Variants in NOL4 observed in about 807,000 individuals in gnomAD.
The protein encoded by NOL4 is nucleolar protein 4.
In NOL4, 17 loss-of-function variants were observed where a neutral mutation model predicts 75.9. That is an observed-to-expected ratio of 0.22 (90% CI 0.15 to 0.34). The LOEUF (loss-of-function observed/expected upper bound fraction) is 0.34, where lower values mean the gene tolerates loss of function less well. Ranked by LOEUF, NOL4 falls within the 10% of genes least tolerant of loss-of-function variation. NOL4 has a pLI of 1.00. For missense variants in NOL4, 614 were observed against 793.5 expected (o/e 0.77, Z 2.72); for synonymous variants, 292 against 289.9 (o/e 1.01, Z -0.07).
At chr18:34,184,977 G>C (rs959430733) in intron 1 of NOL4, among the ~76,000 whole-genome samples, 3 of 152,072 alleles carry the variant, frequency 2.0e-5, no homozygotes, top group African/African-American at 7.2e-5. Flanking sequence ...TAGGACCTCA[G>C]ATTAGGGACT....
chr18:34,169,156 T>C (rs1343080528), intron 1 of NOL4, among the ~76,000 whole-genome samples: 2 of 151,924 alleles, frequency 1.3e-5, no homozygotes, highest in East Asian at 1.9e-4. Context: ...CACATGAATA[T>C]ATGATTTTTA....
At chr18:34,208,407 T>C (rs979863719) in intron 1 of NOL4, among the ~76,000 whole-genome samples, 2 of 150,878 alleles carry the variant, frequency 1.3e-5, no homozygotes, top group African/African-American at 4.9e-5. Flanking sequence ...AGCATGGTAA[T>C]AGATGAGATG....
intron 1 of NOL4, among the ~76,000 whole-genome samples, chr18:34,163,546 A>AC (rs1455165740): frequency 6.6e-6 from 1 of 152,102 alleles, no homozygotes; most frequent in Admixed American, 6.6e-5. Context: ...GATGTGAAGG[A>AC]CTCTTCAAGG....
intron 5 of NOL4, among the ~76,000 whole-genome samples, chr18:34,079,778 G>A (rs1373038840): frequency 6.6e-6 from 1 of 152,086 alleles, no homozygotes; most frequent in East Asian, 1.9e-4. Context: ...AGACTTTTAG[G>A]TTTTTGCTCC....
chr18:34,203,713 TCTCTCACACACA>T (rs1249567478), intron 1 of NOL4, among the ~76,000 whole-genome samples: 1 of 62,626 alleles, frequency 1.6e-5, no homozygotes, highest in African/African-American at 4.4e-5. Flanking sequence ...TCTCTCTCTC[TCTCTCACACACA>T]CACACACACA....
At chr18:33,895,101 G>A (rs1294441644) in intron 9 of NOL4, among the ~76,000 whole-genome samples, 1 of 151,896 alleles carries the variant, frequency 6.6e-6, no homozygotes, top group Non-Finnish European at 1.5e-5. Context: ...TAAAATTATG[G>A]TACAATATGT....
At chr18:34,116,498 A>C (rs2145796936) in intron 2 of NOL4, among the ~76,000 whole-genome samples, 1 of 152,340 alleles carries the variant, frequency 6.6e-6, no homozygotes, top group Admixed American at 6.5e-5. Flanking sequence ...CTTATAAGTT[A>C]TCCAAAAATC....
At chr18:34,184,204 C>G (rs983398825) in intron 1 of NOL4, among the ~76,000 whole-genome samples, 27 of 151,872 alleles carry the variant, frequency 1.8e-4, no homozygotes, top group African/African-American at 6.5e-4. Context: ...TGCAAACAGG[C>G]TCAGTGCTAA....
At chr18:33,995,394 A>T (rs1392768639) in intron 6 of NOL4, among the ~76,000 whole-genome samples, 1 of 151,712 alleles carries the variant, frequency 6.6e-6, no homozygotes, top group African/African-American at 2.4e-5. Context: ...GAAGCACATG[A>T]ATATAATTGT....
chr18:34,208,946 A>G (rs767230429), intron 1 of NOL4, among the ~76,000 whole-genome samples: 4 of 152,080 alleles, frequency 2.6e-5, no homozygotes, highest in Non-Finnish European at 4.4e-5. Context: ...GCGATGGCTC[A>G]TACCTGTAAT....
chr18:34,196,201 A>G (rs1370815719), intron 1 of NOL4, among the ~76,000 whole-genome samples: 2 of 152,090 alleles, frequency 1.3e-5, no homozygotes, highest in Admixed American at 6.6e-5. Flanking sequence ...CATTTCTACC[A>G]TTGTGTCAAG....
chr18:33,853,670 T>C (rs923936801), intron 10 of NOL4, among the ~76,000 whole-genome samples: 3 of 152,084 alleles, frequency 2.0e-5, no homozygotes, highest in Non-Finnish European at 2.9e-5. Context: ...ACATATTACA[T>C]TGGAATTTGC....
At chr18:34,124,127 C>T (rs548983116) in intron 2 of NOL4, among the ~76,000 whole-genome samples, 99 of 152,124 alleles carry the variant, frequency 6.5e-4, no homozygotes, top group Non-Finnish European at 1.2e-3. Context: ...AGGCAGGAAC[C>T]TATATTTGTC....
intron 1 of NOL4, among the ~76,000 whole-genome samples, chr18:34,145,013 C>T (rs2081340003): frequency 6.6e-6 from 1 of 152,062 alleles, no homozygotes; most frequent in African/African-American, 2.4e-5. Flanking sequence ...TTCCTAACTC[C>T]TATTCTCCAC....
Position 34,212,530 on chromosome 18 carries a change from A to G in NOL4, c.264+10460T>C, listed in dbSNP as rs2036584309. Among the ~76,000 whole-genome samples the G allele has an allele frequency of 3.3e-5, 5 of 152,220 alleles. 1 individual carries two copies. In the South Asian group the frequency reaches 1.0e-3, roughly 31 times the overall value. On this transcript the variant is annotated intron_variant, in intron 1 of 10. Transcript: ENST00000261592. Reference sequence around the variant, plus strand: ...CAAATTACCACAAATTGAATGGCTTACAACTTCTCAAACATTATCTCATTT... The same window carrying G: ...CAAATTACCACAAATTGAATGGCTTGCAACTTCTCAAACATTATCTCATTT...
chr18:34,073,970 A>C (rs1225712268), intron 5 of NOL4, among the ~76,000 whole-genome samples: 2 of 151,982 alleles, frequency 1.3e-5, no homozygotes, highest in African/African-American at 4.8e-5. Context: ...GGTGAATGCT[A>C]TAAAAAGCCA....
intron 6 of NOL4, among the ~76,000 whole-genome samples, chr18:34,011,988 G>T (rs1239600982): frequency 1.3e-5 from 2 of 151,840 alleles, no homozygotes; most frequent in Admixed American, 6.6e-5. Context: ...AATTATAGAA[G>T]CCCCTCACCT....
At chr18:33,894,834 A>G (rs1314746967) in intron 9 of NOL4, among the ~76,000 whole-genome samples, 1 of 152,058 alleles carries the variant, frequency 6.6e-6, no homozygotes, top group East Asian at 1.9e-4. Context: ...GTGTGGGGAG[A>G]CATGGAATGG....
intron 5 of NOL4, among the ~76,000 whole-genome samples, chr18:34,022,525 T>C (rs2075103206): frequency 6.6e-6 from 1 of 152,116 alleles, no homozygotes; most frequent in Non-Finnish European, 1.5e-5. Flanking sequence ...CATGTTCTTT[T>C]TATGCCAATT....
Sources: gnomAD v4.1 joint callset for allele counts (sites outside exome capture counted in the v4.1 genomes callset) on GRCh38, gnomAD v4.1.1 for gene constraint, MANE v1.5 for transcripts, NCBI Gene and HGNC (gene_info 2026-07-23, HGNC 2026-07-21) for gene names.